Variants in RASA1 observed in about 807,000 individuals in gnomAD.
The protein encoded by RASA1 is RAS p21 protein activator 1.
RASA1 carries 25 observed loss-of-function variants against 132.2 expected under a neutral mutation model. The ratio of observed to expected loss-of-function variants is 0.19; its 90% confidence interval spans 0.14 to 0.26. RASA1 has a LOEUF of 0.26. RASA1 is among the 10% of genes least tolerant of loss of function. The pLI, the probability that RASA1 is intolerant of heterozygous loss-of-function variation, is 1.00. For synonymous variants in RASA1, 477 were observed against 449.9 expected (o/e 1.06, Z -0.76); for missense variants, 964 against 1,299.2 (o/e 0.74, Z 3.97).
Position 87,338,516 on chromosome 5 carries a change from TATATATATATATATATAAA to T in RASA1, c.1017+428_1017+446del, listed in dbSNP as rs1468235537. On this transcript the variant is annotated intron_variant, in intron 5 of 24. Transcript: ENST00000274376. ...CCAGCTAATTTTATATATATATATA[TATATATATATATATATAAA>T]ATTTTTTTTTTTTTTAAGTAGAAAT... 1.6e-4 allele frequency among the ~76,000 whole-genome samples: 16 copies of T among 99,322 alleles called. 2 individuals carry two copies. The highest frequency in any genetic ancestry group is 2.3e-4 in the Non-Finnish European group (11 of 48,066). 65.2% of individuals were successfully genotyped at this position (99,322 alleles called of 152,430 possible). A position where few individuals can be genotyped will look rare whatever the true frequency, so the allele number is the denominator to read the frequency against.
At chr5:87,354,888 G>A (rs1052404933) in intron 9 of RASA1, among the ~76,000 whole-genome samples, 3 of 152,156 alleles carry the variant, frequency 2.0e-5, no homozygotes, top group Non-Finnish European at 4.4e-5. Context: ...GGTCTGGATT[G>A]AAGATTAAAC....
chr5:87,306,829 G>C (rs896666352), intron 1 of RASA1, among the ~76,000 whole-genome samples: 1 of 151,546 alleles, frequency 6.6e-6, no homozygotes, highest in African/African-American at 2.4e-5. Flanking sequence ...CTCCTTTCTC[G>C]TACTGTACAT....
At chr5:87,290,540 G>T (rs946164047) in intron 1 of RASA1, among the ~76,000 whole-genome samples, 53 of 152,080 alleles carry the variant, frequency 3.5e-4, no homozygotes, top group African/African-American at 1.3e-3. Context: ...TCTTGGCATT[G>T]TACATTCTAT....
intron 9 of RASA1, among the ~76,000 whole-genome samples, chr5:87,354,557 C>T (rs1759511956): frequency 6.6e-6 from 1 of 152,104 alleles, no homozygotes; most frequent in African/African-American, 2.4e-5. Flanking sequence ...GTTTCTCTTC[C>T]TCTCCTTGGG....
At chr5:87,344,459 AT>A (rs1348892087) in intron 6 of RASA1, among the ~76,000 whole-genome samples, 11 of 152,122 alleles carry the variant, frequency 7.2e-5, no homozygotes, top group Admixed American at 7.2e-4. Flanking sequence ...CCTAGCACTT[AT>A]CATCTGTAGT....
At position 87,362,681 on chromosome 5, in the gene RASA1, G is replaced by A. The variant is rs2112457447; in HGVS notation, c.1453+10G>A. The A allele has an allele frequency of 6.2e-7, 1 of 1,602,574 alleles. No homozygotes were observed. Among genetic ancestry groups the A allele is most frequent in the Admixed American group, 1.7e-5 (1 of 59,964 alleles). Reference sequence around the variant, plus strand: ...TATCTTCTGAAAAAGGGTAAGTTCAGACTTTTATCATTAACCCATTTGATA... The same window carrying A: ...TATCTTCTGAAAAAGGGTAAGTTCAAACTTTTATCATTAACCCATTTGATA... On this transcript the variant is annotated intron_variant, in intron 10 of 24. Coordinates refer to ENST00000274376, the MANE Select transcript of RASA1 (RefSeq NM_002890.3).
chr5:87,370,428 G>A (rs1034166620), intron 12 of RASA1, among the ~76,000 whole-genome samples: 10 of 152,140 alleles, frequency 6.6e-5, no homozygotes, highest in African/African-American at 2.4e-4. Flanking sequence ...GTAATTGTGT[G>A]AAGAAATAAT....
At chr5:87,374,811 G>T in intron 14 of RASA1, 29 bp from the exon 15 acceptor site, 1 of 1,602,242 alleles carries the variant, frequency 6.2e-7, no homozygotes, top group Non-Finnish European at 8.5e-7. Flanking sequence ...AAAACATTTT[G>T]TTAATTCTTT....
Position 87,329,163 on chromosome 5 carries a change from G to T in RASA1, c.540-2185G>T, listed in dbSNP as rs755697449. On this transcript the variant is annotated intron_variant, in intron 1 of 24. Transcript: ENST00000274376. ...AGAAAGTACATAGATGTAAAAAATC[G>T]ACTCGGTGTGGTGGCTCACACCTGT... 1.2e-3 allele frequency among the ~76,000 whole-genome samples: 175 copies of T among 151,970 alleles called. 1 individual carries two copies. Among genetic ancestry groups the T allele is most frequent in the Non-Finnish European group, 1.5e-3 (100 of 67,992 alleles).
In RASA1 at chr5:87,391,083, T is replaced by C. The variant is rs1260800746; in HGVS notation, c.*200T>C. ...CTTGTAAGCTATCTGTGCAGGATAT[T>C]TGCACTATTTCCACATGGAATCAAT... On this transcript the variant is annotated 3_prime_UTR_variant, in exon 25 of 25. Transcript: ENST00000274376. 2.5e-5 allele frequency: 16 copies of C among 647,114 alleles called. No homozygotes were observed. The East Asian group carries it at 3.0e-4, about 12-fold the overall frequency. The allele number at this position is 647,114 out of a possible 1,614,324, so 40.1% of individuals were successfully genotyped here.
intron 16 of RASA1, 31 bp from the exon 17 acceptor site, chr5:87,376,850 C>T (rs759313292): frequency 1.3e-6 from 2 of 1,558,826 alleles, no homozygotes. Context: ...ATGCTACGTA[C>T]TTTAAACAAT....
At position 87,386,898 on chromosome 5, in the gene RASA1, C is replaced by G; in HGVS notation, c.2920C>G (p.Leu974Val). 6.2e-7 allele frequency: 1 copy of G among 1,610,628 alleles called. No homozygotes were observed. Among genetic ancestry groups the G allele is most frequent in the East Asian group, 2.2e-5 (1 of 44,764 alleles). Residue 974 changes from leucine to valine, a missense_variant, in exon 23 of 25, where the codon CTT (leucine) becomes GTT (valine). Leu to Val is a conservative substitution (Grantham distance 32). Transcript: ENST00000274376. ...TCGTATGATCATGTTTTTAGATGAACTTGGGGTATGTATATAGTTTTCAGG... is the reference window on the plus strand; with the variant it reads ...TCGTATGATCATGTTTTTAGATGAAGTTGGGGTATGTATATAGTTTTCAGG... ...KHRMIMFLDELGNVPELPDTT... is the reference protein window; with the variant it reads ...KHRMIMFLDEVGNVPELPDTT...
intron 7 of RASA1, among the ~76,000 whole-genome samples, chr5:87,348,661 A>G (rs778929297): frequency 4.6e-5 from 7 of 151,120 alleles, no homozygotes; most frequent in Admixed American, 6.6e-5. Context: ...TTTAAGATGC[A>G]GGATCTTGCT....
At chr5:87,289,617 T>A (rs1754825721) in intron 1 of RASA1, among the ~76,000 whole-genome samples, 1 of 152,116 alleles carries the variant, frequency 6.6e-6, no homozygotes, top group Non-Finnish European at 1.5e-5. Flanking sequence ...TATTTTATTA[T>A]TATTATTTTT....
intron 6 of RASA1, among the ~76,000 whole-genome samples, chr5:87,342,854 G>A (rs550381124): frequency 1.3e-5 from 2 of 152,154 alleles, no homozygotes; most frequent in East Asian, 1.9e-4. Flanking sequence ...TTAGATAATA[G>A]CAATGGAATT....
At chr5:87,281,592 T>C (rs1754320817) in intron 1 of RASA1, among the ~76,000 whole-genome samples, 1 of 151,726 alleles carries the variant, frequency 6.6e-6, no homozygotes, top group Admixed American at 6.6e-5. Flanking sequence ...TTTGTTTTTG[T>C]TTTTTTGAGA....
chr5:87,329,388 G>T (rs1401284810), intron 1 of RASA1, among the ~76,000 whole-genome samples: 1 of 152,072 alleles, frequency 6.6e-6, no homozygotes, highest in East Asian at 1.9e-4. Context: ...GTTGCAGTGA[G>T]CTGAGATCGT....
intron 9 of RASA1, among the ~76,000 whole-genome samples, chr5:87,354,424 A>G (rs1452517384): frequency 6.6e-6 from 1 of 152,114 alleles, no homozygotes; most frequent in Non-Finnish European, 1.5e-5. Context: ...ATCTGTGATC[A>G]GTGATCTTTA....
intron 13 of RASA1, 29 bp from the exon 14 acceptor site, chr5:87,374,132 AAT>A (rs145638178): frequency 5.7e-3 from 6,861 of 1,195,232 alleles, no homozygotes; most frequent in East Asian, 0.015. Flanking sequence ...AATCTGGGGT[AAT>A]ATATATATAT....
Sources: allele counts gnomAD v4.1 joint callset (sites outside exome capture counted in the v4.1 genomes callset), GRCh38; gene constraint gnomAD v4.1.1; transcripts MANE v1.5; gene names NCBI Gene and HGNC (gene_info 2026-07-23, HGNC 2026-07-21).